Variants in LGR4 observed in about 807,000 individuals in gnomAD.
LGR4 encodes leucine rich repeat containing G protein-coupled receptor 4.
Under a neutral mutation model 84.8 loss-of-function variants are expected in LGR4, and 44 were observed. The observed-to-expected ratio is 0.52, with a 90% CI of 0.41 to 0.67. LGR4 has a LOEUF of 0.67. Among genes scored for constraint, LGR4 ranks in the 30% least tolerant of loss-of-function variants. The pLI is 0.00. For synonymous variants in LGR4, 429 were observed against 434.3 expected (o/e 0.99, Z 0.15); for missense variants, 1,032 against 1,131.4 (o/e 0.91, Z 1.26).
At chr11:27,445,452 C>T (rs946916833) in intron 1 of LGR4, among the ~76,000 whole-genome samples, 3 of 152,102 alleles carry the variant, frequency 2.0e-5, no homozygotes, top group South Asian at 2.1e-4. Context: ...GCTGTTATGA[C>T]GATCAAGTAA....
chr11:27,376,916 T>C (rs763614889), intron 12 of LGR4, among the ~76,000 whole-genome samples: 3 of 152,214 alleles, frequency 2.0e-5, no homozygotes, highest in Admixed American at 6.5e-5. Flanking sequence ...CTATTTCTTT[T>C]AAATATACAC....
chr11:27,372,323 T>G lies in LGR4; in HGVS notation c.1455A>C (p.Glu485Asp). 1.2e-6 allele frequency: 2 copies of G among 1,613,726 alleles called. No homozygotes were observed. The highest frequency in any genetic ancestry group is 1.7e-6 in the Non-Finnish European group (2 of 1,179,620). The change falls in exon 16 of 18, where the codon GAA (glutamate) becomes GAC (aspartate). Residue 485 changes from glutamate (E) to aspartate (D), a missense_variant. By Grantham distance (45) the Glu-to-Asp change is conservative. Coordinates refer to ENST00000379214, the MANE Select transcript of LGR4 (RefSeq NM_018490.5). The stretch of plus-strand genomic sequence containing the variant: ...CACTGTGGTCCTGGAGGCTGTTATC[T>G]TCTGTGTTTAAATTTGCATAAGAGT... ...GCDSYANLNTEDNSLQDHSVA... is the reference protein window; with the variant it reads ...GCDSYANLNTDDNSLQDHSVA...
chr11:27,470,063 C>G (rs1864843306), intron 1 of LGR4, among the ~76,000 whole-genome samples: 1 of 152,064 alleles, frequency 6.6e-6, no homozygotes, highest in Non-Finnish European at 1.5e-5. Flanking sequence ...AAGGAGTCAC[C>G]AGAATGTACG....
intron 1 of LGR4, among the ~76,000 whole-genome samples, chr11:27,423,837 T>C (rs990722372): frequency 1.2e-4 from 18 of 152,256 alleles, no homozygotes; most frequent in African/African-American, 4.1e-4. Context: ...TTCTTTTTAA[T>C]TTTTGCAATC....
chr11:27,408,535 A>G (rs1220281330), intron 2 of LGR4, among the ~76,000 whole-genome samples: 1 of 152,062 alleles, frequency 6.6e-6, no homozygotes. Context: ...TGCTGTTCCT[A>G]ACTCCAACAT....
intron 2 of LGR4, among the ~76,000 whole-genome samples, chr11:27,412,122 C>T (rs1246080341): frequency 6.6e-6 from 1 of 151,954 alleles, no homozygotes; most frequent in Non-Finnish European, 1.5e-5. Context: ...CCCGAAAGTG[C>T]CTATTTTGAT....
chr11:27,454,219 T>C (rs1033451149), intron 1 of LGR4, among the ~76,000 whole-genome samples: 5 of 152,228 alleles, frequency 3.3e-5, no homozygotes, highest in Non-Finnish European at 7.3e-5. Context: ...TTGTCCCTCC[T>C]TTCCAGATCA....
rs569320722 is a variant in LGR4, at chr11:27,458,601, C to T, written c.185+13517G>A. On this transcript the variant is annotated intron_variant, in intron 1 of 17. Coordinates refer to ENST00000379214, the MANE Select transcript of LGR4 (RefSeq NM_018490.5). The stretch of plus-strand genomic sequence containing the variant: ...TCACCCAGGCTGGAATGCAATGGCA[C>T]GATCTCAGCTTACTACAACCTTTGC... Among the ~76,000 whole-genome samples, 468 of 151,840 alleles carry T rather than the reference C, an allele frequency of 3.1e-3. 2 individuals are homozygous for T. Among genetic ancestry groups the T allele is most frequent in the African/African-American group, 0.011 (453 of 41,388 alleles).
At chr11:27,441,560 T>C (rs1229223491) in intron 1 of LGR4, among the ~76,000 whole-genome samples, 1 of 152,014 alleles carries the variant, frequency 6.6e-6, no homozygotes, top group Non-Finnish European at 1.5e-5. Flanking sequence ...AAGAAATGAA[T>C]GATAGAGAGA....
chr11:27,404,685 T>C (rs1863569310), intron 2 of LGR4, among the ~76,000 whole-genome samples: 1 of 152,136 alleles, frequency 6.6e-6, no homozygotes, highest in South Asian at 2.1e-4. Context: ...AGGACAGGCA[T>C]ACGAGGTCAG....
chr11:27,414,146 C>T (rs1418326778), intron 1 of LGR4, among the ~76,000 whole-genome samples: 1 of 152,070 alleles, frequency 6.6e-6, no homozygotes, highest in Non-Finnish European at 1.5e-5. Flanking sequence ...GTTAAAAAAG[C>T]TTCCCCAAGA....
At chr11:27,422,854 C>T (rs1863947096) in intron 1 of LGR4, among the ~76,000 whole-genome samples, 1 of 152,172 alleles carries the variant, frequency 6.6e-6, no homozygotes, top group Admixed American at 6.5e-5. Context: ...GAGAATGCCA[C>T]TGAGATCCCA....
intron 11 of LGR4, 60 bp from the exon 12 acceptor site, chr11:27,377,283 G>T: frequency 1.1e-6 from 1 of 877,190 alleles, no homozygotes; most frequent in Non-Finnish European, 1.8e-6. Flanking sequence ...TATTAAAAGA[G>T]TGGTACTCAG....
chr11:27,380,647 GA>G lies in LGR4; in HGVS notation c.894del (p.His299IlefsTer3). The G allele has an allele frequency of 6.4e-7, 1 of 1,568,352 alleles. No homozygotes were observed. The highest frequency in any genetic ancestry group is 1.1e-5 in the South Asian group (1 of 88,898). ...TTAAATTCACATACTTACAGGGAAT[GA>G]AGATCAGATAAATTGTGAAATGCTG... ...GNSAFHNLSD[L>X]HSLVIRGASM... On this transcript the variant is annotated frameshift_variant, in exon 9 of 18. Transcript: ENST00000379214. LOFTEE classifies it high-confidence loss of function.
At chr11:27,396,833 G>A (rs1436494034) in intron 2 of LGR4, among the ~76,000 whole-genome samples, 4 of 151,988 alleles carry the variant, frequency 2.6e-5, no homozygotes, top group African/African-American at 9.7e-5. Context: ...AGATAATTAG[G>A]GTGAAAAAAT....
intron 1 of LGR4, among the ~76,000 whole-genome samples, chr11:27,413,420 A>G (rs1863748214): frequency 6.6e-6 from 1 of 152,162 alleles, no homozygotes; most frequent in Admixed American, 6.6e-5. Context: ...TATGTGGTCC[A>G]TTTCCAGTTT....
chr11:27,468,146 G>A (rs1212247363), intron 1 of LGR4, among the ~76,000 whole-genome samples: 1 of 152,160 alleles, frequency 6.6e-6, no homozygotes, highest in African/African-American at 2.4e-5. Context: ...AATCTGAGAT[G>A]ATCTTTCCAA....
chr11:27,399,399 C>A (rs984600105), intron 2 of LGR4, among the ~76,000 whole-genome samples: 4 of 152,114 alleles, frequency 2.6e-5, no homozygotes, highest in Non-Finnish European at 4.4e-5. Context: ...GATACTGCCT[C>A]CAGAGAAAGC....
At chr11:27,412,612 CT>C (rs1358237974) in intron 2 of LGR4, among the ~76,000 whole-genome samples, 176 bp downstream of exon 2, 1 of 152,066 alleles carries the variant, frequency 6.6e-6, no homozygotes, top group Non-Finnish European at 1.5e-5. Context: ...AGCAACTATG[CT>C]GCTTAGAAAA....
Sources: gnomAD v4.1 joint callset for allele counts (sites outside exome capture counted in the v4.1 genomes callset) on GRCh38, gnomAD v4.1.1 for gene constraint, MANE v1.5 for transcripts, NCBI Gene and HGNC (gene_info 2026-07-23, HGNC 2026-07-21) for gene names.